Variants in GSE1 observed in about 807,000 individuals in gnomAD.
GSE1 encodes genetic suppressor element 1.
In GSE1, 32 loss-of-function variants were observed where a neutral mutation model predicts 112.6. The ratio of observed to expected loss-of-function variants is 0.28; its 90% CI spans 0.21 to 0.38. The LOEUF (loss-of-function observed/expected upper bound fraction) is 0.38, where lower values mean the gene tolerates loss of function less well. Ranked by LOEUF, GSE1 falls within the 10% of genes least tolerant of loss-of-function variation. GSE1 has a pLI of 1.00. For missense variants in GSE1, 2,348 were observed against 1,699.2 expected (o/e 1.38, Z -6.71); for synonymous variants, 1,115 against 735.6 (o/e 1.52, Z -8.35).
intron 2 of GSE1, among the ~76,000 whole-genome samples, chr16:85,637,523 T>C (rs1348564226): frequency 6.6e-6 from 1 of 152,016 alleles, no homozygotes; most frequent in Non-Finnish European, 1.5e-5. Flanking sequence ...GCAGTGGCTA[T>C]GTATTGAGTC....
At position 85,357,365 on chromosome 16, in the gene GSE1, G is replaced by A. The variant is rs1434598044; in HGVS notation, c.2284-98G>A. 8 of 781,680 alleles carry A rather than the reference G, an allele frequency of 1.0e-5. No individual in the cohort carries two copies. The East Asian group carries it at 2.6e-4, about 25-fold the overall frequency. The allele number at this position is 781,680 out of a possible 1,614,324, so 48.4% of individuals were successfully genotyped here. A position where few individuals can be genotyped will look rare whatever the true frequency, so the allele number is the denominator to read the frequency against. On this transcript the variant is annotated intron_variant, in intron 1 of 2. Coordinates refer to the GSE1 transcript ENST00000637419. ...TCCTGATCACCAAGGCCAGGCCATC[G>A]TCGGGGAGGAATGGCACCTATGGCC...
At chr16:85,379,182 C>T (rs1358838723) in intron 2 of GSE1, among the ~76,000 whole-genome samples, 1 of 152,148 alleles carries the variant, frequency 6.6e-6, no homozygotes, top group Non-Finnish European at 1.5e-5. Context: ...CCTCCCTGGG[C>T]CTCAGCACCC....
At chr16:85,290,100 T>G (rs2045163134) in intron 1 of GSE1, among the ~76,000 whole-genome samples, 1 of 152,098 alleles carries the variant, frequency 6.6e-6, no homozygotes, top group South Asian at 2.1e-4. Flanking sequence ...CCGCTTGGGT[T>G]TTCTTTGGTG....
At chr16:85,330,812 T>C (rs1346619385) in intron 1 of GSE1, among the ~76,000 whole-genome samples, 6 of 152,210 alleles carry the variant, frequency 3.9e-5, no homozygotes, top group Non-Finnish European at 5.9e-5. Flanking sequence ...CAGGGACACA[T>C]CTTCCCTGTC....
intron 2 of GSE1, among the ~76,000 whole-genome samples, chr16:85,430,177 G>A (rs555101288): frequency 6.6e-6 from 1 of 152,298 alleles, no homozygotes; most frequent in Admixed American, 6.5e-5. Context: ...TTGCCCGTGA[G>A]CACATTTAAT....
chr16:85,647,350 G>A (rs1045888338), intron 2 of GSE1, among the ~76,000 whole-genome samples: 5 of 152,210 alleles, frequency 3.3e-5, no homozygotes, highest in Non-Finnish European at 5.9e-5. Flanking sequence ...GGCGACGGGC[G>A]AGTTCCGGGG....
At position 85,443,899 on chromosome 16, in the gene GSE1, C is replaced by T. The variant is rs149648983; in HGVS notation, c.2464+86256C>T. On this transcript the variant is annotated intron_variant, in intron 2 of 2. Transcript: ENST00000637419. ...AGTGACCTATGGCGACCAGAAAGCACATCTGCAGAAGCTGTGGGCCGGCCC... is the reference window on the plus strand; with the variant it reads ...AGTGACCTATGGCGACCAGAAAGCATATCTGCAGAAGCTGTGGGCCGGCCC... Among the ~76,000 whole-genome samples the T allele has an allele frequency of 4.9e-3, 741 of 151,710 alleles. 8 individuals are homozygous for T. The highest frequency in any genetic ancestry group is 0.017 in the African/African-American group (720 of 41,318).
chr16:85,296,954 C>G (rs1362606542), intron 1 of GSE1, among the ~76,000 whole-genome samples: 2 of 152,354 alleles, frequency 1.3e-5, no homozygotes. Context: ...GCTTCCCCGG[C>G]CAGTGCCCGA....
intron 1 of GSE1, among the ~76,000 whole-genome samples, chr16:85,613,736 C>G (rs2048161846): frequency 6.7e-6 from 1 of 149,662 alleles, no homozygotes; most frequent in African/African-American, 2.5e-5. Flanking sequence ...CGGGGGGAGT[C>G]TCCGAGAGCT....
chr16:85,513,849 C>T (rs144083735), intron 2 of GSE1, among the ~76,000 whole-genome samples: 211 of 152,214 alleles, frequency 1.4e-3, no homozygotes, highest in African/African-American at 4.7e-3. Context: ...AGAATCCCCC[C>T]GGGGCAGGGC....
chr16:85,658,189 C>T (rs1172743655), intron 8 of GSE1, among the ~76,000 whole-genome samples: 1 of 152,200 alleles, frequency 6.6e-6, no homozygotes, highest in Non-Finnish European at 1.5e-5. Flanking sequence ...GTCCTCCCTG[C>T]CCCTGCCTGC....
At position 85,346,056 on chromosome 16, in the gene GSE1, G is replaced by A. The variant is rs118113564; in HGVS notation, c.2284-11407G>A. ...GGACAAGTGGATGAATGGATGGGTG[G>A]ATGAACAATGGATAGGTGGATGGAT... On this transcript the variant is annotated intron_variant, in intron 1 of 2. Coordinates refer to the GSE1 transcript ENST00000637419. Among the ~76,000 whole-genome samples the A allele has an allele frequency of 1.1e-3, 169 of 149,530 alleles. 3 individuals are homozygous for A. In the East Asian group the frequency reaches 0.028, roughly 25 times the overall value.
intron 2 of GSE1, among the ~76,000 whole-genome samples, chr16:85,441,233 G>C (rs1168065401): frequency 6.6e-6 from 1 of 152,120 alleles, no homozygotes; most frequent in Non-Finnish European, 1.5e-5. Context: ...CTCTGGCCTC[G>C]ACCCACCAGA....
At chr16:85,466,981 A>G (rs939481810) in intron 2 of GSE1, among the ~76,000 whole-genome samples, 1 of 152,184 alleles carries the variant, frequency 6.6e-6, no homozygotes, top group African/African-American at 2.4e-5. Flanking sequence ...AATCATCTGA[A>G]CCCCAGAGGC....
At chr16:85,366,657 G>T (rs1394658725) in intron 2 of GSE1, among the ~76,000 whole-genome samples, 1 of 152,182 alleles carries the variant, frequency 6.6e-6, no homozygotes, top group African/African-American at 2.4e-5. Flanking sequence ...CTTAGACTGG[G>T]ATCTGGTTTC....
intron 1 of GSE1, among the ~76,000 whole-genome samples, chr16:85,175,350 C>G (rs577161662): frequency 6.6e-6 from 1 of 152,202 alleles, no homozygotes; most frequent in African/African-American, 2.4e-5. Flanking sequence ...AAGGACGGAC[C>G]CTTCCCTGCA....
intron 1 of GSE1, among the ~76,000 whole-genome samples, chr16:85,183,024 A>G (rs2074624999): frequency 6.6e-6 from 1 of 152,160 alleles, no homozygotes; most frequent in South Asian, 2.1e-4. Flanking sequence ...GGTCACATGC[A>G]TTCATACATG....
chr16:85,381,322 G>A (rs1162931111), intron 2 of GSE1, among the ~76,000 whole-genome samples: 3 of 152,162 alleles, frequency 2.0e-5, no homozygotes, highest in Non-Finnish European at 4.4e-5. Context: ...ATTTCATTGT[G>A]TGGATAGACC....
At chr16:85,380,734 G>A (rs1257767200) in intron 2 of GSE1, among the ~76,000 whole-genome samples, 1 of 152,128 alleles carries the variant, frequency 6.6e-6, no homozygotes, top group Non-Finnish European at 1.5e-5. Context: ...CTCACTGGGG[G>A]TCCTGCATCA....
Sources: allele counts gnomAD v4.1 joint callset (sites outside exome capture counted in the v4.1 genomes callset), GRCh38; gene constraint gnomAD v4.1.1; transcripts MANE v1.5; gene names NCBI Gene and HGNC (gene_info 2026-07-23, HGNC 2026-07-21).